PLXDC2: variants seen among roughly 807,000 people sequenced by gnomAD.
PLXDC2 encodes the protein plexin domain-containing protein 2.
PLXDC2 carries 40 observed loss-of-function variants against 68.9 expected under a neutral mutation model. The ratio of observed to expected loss-of-function variants is 0.58; its 90% confidence interval spans 0.45 to 0.76. PLXDC2 has a LOEUF of 0.76. PLXDC2 is among the 30% of genes least tolerant of loss of function. PLXDC2 has a pLI of 0.00. For missense variants in PLXDC2, 644 were observed against 661.9 expected, an observed-to-expected ratio of 0.97 and a Z score of 0.30; for synonymous variants, 243 against 234.2, an observed-to-expected ratio of 1.04 and a Z score of -0.34.
At chr10:20,122,766 C>T (rs1489950945) in intron 4 of PLXDC2, among the ~76,000 whole-genome samples, 2 of 152,260 alleles carry the variant, frequency 1.3e-5, no homozygotes, top group East Asian at 3.9e-4. Context: ...TATTGTACAC[C>T]TTGAAGGCGA....
chr10:19,896,413 C>T lies in PLXDC2; in HGVS notation c.112+79222C>T, dbSNP rs151284290. On this transcript the variant is annotated intron_variant, in intron 1 of 13. Coordinates refer to ENST00000377252, the MANE Select transcript of PLXDC2 (RefSeq NM_032812.9). ...CTTTGCTAGCTGTATAACCTTACAC[C>T]AGTTTGTTAACTAGGTTTTCTGGAT... Among the ~76,000 whole-genome samples the T allele has an allele frequency of 3.2e-3, 488 of 152,304 alleles. 2 individuals are homozygous for T. Among genetic ancestry groups the T allele is most frequent in the Non-Finnish European group, 4.9e-3 (332 of 68,026 alleles).
intron 10 of PLXDC2, among the ~76,000 whole-genome samples, chr10:20,213,230 T>C (rs1020015843): frequency 6.6e-6 from 1 of 152,112 alleles, no homozygotes; most frequent in Non-Finnish European, 1.5e-5. Flanking sequence ...TTGGTTTTTA[T>C]GTATTATATA....
intron 9 of PLXDC2, among the ~76,000 whole-genome samples, chr10:20,209,698 G>T (rs1835042592): frequency 6.6e-6 from 1 of 152,048 alleles, no homozygotes. Context: ...AAGGCGCCCA[G>T]ATGTCATATT....
At chr10:20,185,814 A>G (rs1834674723) in intron 9 of PLXDC2, among the ~76,000 whole-genome samples, 1 of 151,966 alleles carries the variant, frequency 6.6e-6, no homozygotes, top group Admixed American at 6.6e-5. Flanking sequence ...TAGGAAATCC[A>G]AGAGCCCGGT....
At chr10:20,053,200 G>A (rs113881111) in intron 3 of PLXDC2, among the ~76,000 whole-genome samples, 191 of 152,118 alleles carry the variant, frequency 1.3e-3, no homozygotes, top group African/African-American at 4.4e-3. Context: ...ATTAGTATTT[G>A]CATGACATCT....
At chr10:20,207,692 A>T (rs1047439932) in intron 9 of PLXDC2, among the ~76,000 whole-genome samples, 1 of 152,236 alleles carries the variant, frequency 6.6e-6, no homozygotes, top group African/African-American at 2.4e-5. Flanking sequence ...GGAATTAAAT[A>T]GACTCCACAC....
At chr10:19,959,681 G>C (rs1389830554) in intron 1 of PLXDC2, among the ~76,000 whole-genome samples, 1 of 152,204 alleles carries the variant, frequency 6.6e-6, no homozygotes, top group East Asian at 1.9e-4. Context: ...TTTAAAACCT[G>C]GGGTCTATGT....
intron 2 of PLXDC2, among the ~76,000 whole-genome samples, chr10:20,021,949 G>A (rs1835318999): frequency 6.6e-6 from 1 of 151,966 alleles, no homozygotes; most frequent in Non-Finnish European, 1.5e-5. Flanking sequence ...CGCCCACCTT[G>A]GCCTCCCAAA....
At chr10:20,030,358 C>T (rs1167939238) in intron 2 of PLXDC2, among the ~76,000 whole-genome samples, 1 of 152,174 alleles carries the variant, frequency 6.6e-6, no homozygotes, top group African/African-American at 2.4e-5. Context: ...CTGATGAAAA[C>T]AGTGTGAAGT....
chr10:20,144,721 TGGGA>T (rs1015127204), intron 5 of PLXDC2, among the ~76,000 whole-genome samples: 1 of 152,178 alleles, frequency 6.6e-6, no homozygotes, highest in Non-Finnish European at 1.5e-5. Context: ...AAAATTGCCT[TGGGA>T]GTCTATCCTA....
intron 1 of PLXDC2, among the ~76,000 whole-genome samples, chr10:19,883,944 A>G (rs933015437): frequency 1.7e-5 from 2 of 119,472 alleles, no homozygotes; most frequent in African/African-American, 6.7e-5. Context: ...CCCTGGCTGG[A>G]GTGTGGTGGC....
intron 13 of PLXDC2, among the ~76,000 whole-genome samples, chr10:20,273,606 A>C (rs756450833): frequency 2.0e-5 from 3 of 152,228 alleles, no homozygotes; most frequent in Non-Finnish European, 4.4e-5. Flanking sequence ...CTTCAATCAC[A>C]TGTACAACCA....
chr10:19,916,318 G>A (rs1054642881), intron 1 of PLXDC2, among the ~76,000 whole-genome samples: 9 of 147,950 alleles, frequency 6.1e-5, no homozygotes. Context: ...GCTCATTTTT[G>A]TATTTTTTTT....
intron 12 of PLXDC2, among the ~76,000 whole-genome samples, chr10:20,233,142 C>G (rs1930227): frequency 0.47 from 71,402 of 151,746 alleles, 18,125 homozygotes; most frequent in Middle Eastern, 0.63. Flanking sequence ...TGTATAGTTG[C>G]ACGAGTTGTA....
chr10:20,235,323 G>A (rs1835419041), intron 12 of PLXDC2, among the ~76,000 whole-genome samples: 1 of 151,934 alleles, frequency 6.6e-6, no homozygotes, highest in African/African-American at 2.4e-5. Flanking sequence ...GAAGAATGAG[G>A]GTAGTAATCA....
chr10:20,176,911 GTATA>G, intron 7 of PLXDC2, 84 bp from the exon 8 acceptor site: 1 of 916,880 alleles, frequency 1.1e-6, no homozygotes, highest in Non-Finnish European at 1.7e-6. Context: ...TGGGCTATAT[GTATA>G]TAATTCTATA....
chr10:20,065,651 A>G (rs112409476), intron 3 of PLXDC2, among the ~76,000 whole-genome samples: 233 of 152,352 alleles, frequency 1.5e-3, no homozygotes, highest in Non-Finnish European at 2.9e-3. Flanking sequence ...CTGTAACTAG[A>G]AGGTCCCATC....
At chr10:20,064,117 C>CTT (rs200616600) in intron 3 of PLXDC2, among the ~76,000 whole-genome samples, 1 of 147,850 alleles carries the variant, frequency 6.8e-6, no homozygotes, top group South Asian at 2.1e-4. Flanking sequence ...TTTCTTGAAT[C>CTT]TTTTTTTTTT....
At chr10:19,859,595 AT>A (rs1171557975) in intron 1 of PLXDC2, among the ~76,000 whole-genome samples, 2 of 152,220 alleles carry the variant, frequency 1.3e-5, no homozygotes, top group Admixed American at 1.3e-4. Context: ...CTGGGGACCT[AT>A]CCCCATTTGT....
Sources: gnomAD v4.1 joint callset for allele counts (sites outside exome capture counted in the v4.1 genomes callset) on GRCh38, gnomAD v4.1.1 for gene constraint, MANE v1.5 for transcripts, NCBI Gene and HGNC (gene_info 2026-07-23, HGNC 2026-07-21) for gene names.